The following DZIP1 variants were observed in gnomAD, a reference collection of about 807,000 sequenced individuals.
DZIP1 encodes the protein DAZ interacting zinc finger protein 1, also known as cilium assembly protein DZIP1.
A neutral mutation model predicts 107.6 loss-of-function variants in DZIP1; 97 were observed. That is an observed-to-expected ratio of 0.90 (90% CI 0.77 to 1.07). The LOEUF is 1.07. Among genes scored for constraint, DZIP1 ranks in the 50% least tolerant of loss-of-function variants. DZIP1 has a pLI of 0.00. For missense variants in DZIP1, 1,035 were observed against 1,063.6 expected (o/e 0.97, Z 0.37); for synonymous variants, 390 against 386.4 (o/e 1.01, Z -0.11).
chr13:95,619,910 T>C lies in DZIP1; in HGVS notation c.1148A>G (p.Gln383Arg). The change falls in exon 10 of 23, where the codon CAA becomes CGA. Residue 383 changes from glutamine to arginine, a missense_variant. Gln to Arg is a conservative substitution (Grantham distance 43). Transcript: ENST00000376829. The part of the protein sequence containing the change: ...KWTARVQAIH[Q>R]EHKKEKGRLL... ...CCGACCCTTCTCTTTCTTGTGTTCT[T>C]GATGAATAGCTTGAACTCGAGCTGT... The C allele has an allele frequency of 6.2e-7, 1 of 1,613,978 alleles. No individual in the cohort carries two copies.
intron 13 of DZIP1, among the ~76,000 whole-genome samples, chr13:95,608,014 G>C (rs1055421508): frequency 4.6e-5 from 7 of 152,258 alleles, no homozygotes; most frequent in African/African-American, 1.7e-4. Context: ...TTAAACTTTA[G>C]AATGTATGTT....
At chr13:95,613,948 A>C (rs1026226157) in intron 10 of DZIP1, among the ~76,000 whole-genome samples, 1 of 151,942 alleles carries the variant, frequency 6.6e-6, no homozygotes, top group Non-Finnish European at 1.5e-5. Context: ...ATGCAGTAAG[A>C]CCCTGTCTCT....
At chr13:95,583,501 AGCTTT>A (rs1365051920) in intron 22 of DZIP1, among the ~76,000 whole-genome samples, 1 of 152,204 alleles carries the variant, frequency 6.6e-6, no homozygotes, top group Non-Finnish European at 1.5e-5. Flanking sequence ...TGAACAACTC[AGCTTT>A]CAACATGTGC....
At chr13:95,617,523 T>C (rs1875268152) in intron 10 of DZIP1, among the ~76,000 whole-genome samples, 1 of 152,142 alleles carries the variant, frequency 6.6e-6, no homozygotes. Flanking sequence ...GGTCATTTGC[T>C]ACACAGAATA....
chr13:95,584,883 C>T lies in DZIP1; in HGVS notation c.2377G>A (p.Asp793Asn), dbSNP rs1027329288. 6.2e-7 allele frequency: 1 copy of T among 1,613,736 alleles called. No homozygotes were observed. The highest frequency in any genetic ancestry group is 2.2e-5 in the East Asian group (1 of 44,854). The change falls in exon 22 of 23, where the codon GAC becomes AAC. Residue 793 changes from aspartate (D) to asparagine (N), a missense_variant. Transcript: ENST00000376829. ...ATCTCTTCCTCTAGGGATGATATGT[C>T]CCAGTCTTCATCCTCCACATCCGCA... The part of the protein sequence containing the change: ...KCADVEDEDW[D>N]ISSLEEEISL...
rs2044274403 is a variant in DZIP1 at position 95,590,192 on chromosome 13, G to A, written c.1843+87C>T. On this transcript the variant is annotated intron_variant, in intron 17 of 22. Coordinates refer to ENST00000376829, the MANE Select transcript of DZIP1 (RefSeq NM_198968.4). ...TAACCATTTAAAATTATAATAATTT[G>A]TTTAATGATATCTTGTGGTGAAAAA... 5 of 1,277,630 alleles carry A rather than the reference G, an allele frequency of 3.9e-6. No individual in the cohort carries two copies. The Admixed American group carries it at 7.1e-5, about 18-fold the overall frequency. The allele number at this position is 1,277,630 out of a possible 1,614,324, so 79.1% of individuals were successfully genotyped here.
At chr13:95,634,786 T>A (rs1943796275) in intron 5 of DZIP1, among the ~76,000 whole-genome samples, 1 of 152,242 alleles carries the variant, frequency 6.6e-6, no homozygotes, top group South Asian at 2.1e-4. Flanking sequence ...AAATCCTTTT[T>A]AAAAAACAAA....
rs906710370 is a variant in DZIP1 at position 95,579,217 on chromosome 13, T to A, written c.*3017A>T. On this transcript the variant is annotated 3_prime_UTR_variant, in exon 23 of 23. Transcript: ENST00000376829. ...ACTGACGGGCCGAGTTCTATCTAGG[T>A]GTGTCTTCCAGAACCTGTTTACGGC... The A allele has an allele frequency of 3.9e-5, 6 of 152,208 alleles. No homozygotes were observed. Among genetic ancestry groups the A allele is most frequent in the Admixed American group, 3.9e-4 (6 of 15,282 alleles). 9.4% of individuals were successfully genotyped at this position (152,208 alleles called of 1,614,324 possible).
At position 95,642,068 on chromosome 13, in the gene DZIP1, T is replaced by C; in HGVS notation, c.-39A>G. 2 of 1,496,044 alleles carry C rather than the reference T, an allele frequency of 1.3e-6. No individual in the cohort carries two copies. The highest frequency in any genetic ancestry group is 1.8e-6 in the Non-Finnish European group (2 of 1,132,932). 92.7% of individuals were successfully genotyped at this position (1,496,044 alleles called of 1,614,324 possible). On this transcript the variant is annotated 5_prime_UTR_variant, in exon 4 of 23. Transcript: ENST00000376829. ...CGGTCTTTACCCAGCCTGGGCCGCC[T>C]CCCGGGCCGCCGCCGCCACAGCCCT...
intron 14 of DZIP1, among the ~76,000 whole-genome samples, chr13:95,604,689 G>A (rs949753873): frequency 2.0e-5 from 3 of 152,052 alleles, no homozygotes; most frequent in African/African-American, 7.2e-5. Flanking sequence ...ATATGACAAA[G>A]AAACTAGGAA....
intron 10 of DZIP1, 125 bp from the exon 11 acceptor site, chr13:95,612,302 G>T: frequency 9.3e-7 from 1 of 1,074,520 alleles, no homozygotes; most frequent in Non-Finnish European, 1.3e-6. Flanking sequence ...GCATCAAGTC[G>T]TTGAATAAAT....
intron 8 of DZIP1, 37 bp downstream of exon 8, chr13:95,624,731 A>C: frequency 6.4e-7 from 1 of 1,558,302 alleles, no homozygotes; most frequent in Non-Finnish European, 8.7e-7. Flanking sequence ...CTCTCAAGGC[A>C]ATCAATACCA....
intron 7 of DZIP1, among the ~76,000 whole-genome samples, chr13:95,629,627 A>G (rs1434215215): frequency 6.6e-6 from 1 of 152,112 alleles, no homozygotes; most frequent in African/African-American, 2.4e-5. Context: ...CAGCAACCAA[A>G]TAAGCAAGAA....
Position 95,587,566 on chromosome 13 carries a change from C to T in DZIP1, c.2191G>A (p.Asp731Asn). The T allele has an allele frequency of 6.2e-7, 1 of 1,614,024 alleles. No individual in the cohort carries two copies. Among genetic ancestry groups the T allele is most frequent in the Non-Finnish European group, 8.5e-7 (1 of 1,179,988 alleles). The change falls in exon 20 of 23, where the codon GAC becomes AAC. Residue 731 changes from aspartate (D) to asparagine (N), a missense_variant. By Grantham distance (23) the Asp-to-Asn change is conservative (BLOSUM62 1). Transcript: ENST00000376829. ...ADGTEGSEIEDTDDSPKPAGV... is the reference protein window; with the variant it reads ...ADGTEGSEIENTDDSPKPAGV... The stretch of plus-strand genomic sequence containing the variant: ...GCGGGCTTGGGAGAATCATCAGTGT[C>T]CTCGATTTCGCTTCCCTCGGTCCCG...
At chr13:95,619,669 A>G (rs1475059003) in intron 10 of DZIP1, among the ~76,000 whole-genome samples, 1 of 152,008 alleles carries the variant, frequency 6.6e-6, no homozygotes, top group Non-Finnish European at 1.5e-5. Flanking sequence ...TTTGAGACCC[A>G]TTAAAAAAGT....
intron 14 of DZIP1, among the ~76,000 whole-genome samples, chr13:95,601,842 C>T (rs1206042557): frequency 6.6e-6 from 1 of 152,184 alleles, no homozygotes; most frequent in African/African-American, 2.4e-5. Context: ...TTGGTCCTGG[C>T]CCTGGTCCCC....
chr13:95,603,507 C>T (rs761990677), intron 14 of DZIP1, among the ~76,000 whole-genome samples: 1 of 152,108 alleles, frequency 6.6e-6, no homozygotes, highest in East Asian at 1.9e-4. Flanking sequence ...TCACTGCACT[C>T]GTCGCTCTAA....
chr13:95,582,218 C>T lies in DZIP1; in HGVS notation c.*16G>A, dbSNP rs1452937897. The T allele has an allele frequency of 1.9e-6, 3 of 1,612,496 alleles. No individual in the cohort carries two copies. The highest frequency in any genetic ancestry group is 2.5e-6 in the Non-Finnish European group (3 of 1,178,540). ...AAATACTGCTGGCTTCTGGAATAAT[C>T]TTCTGACATGTGGAATTAGACATCT... On this transcript the variant is annotated 3_prime_UTR_variant, in exon 23 of 23. Transcript: ENST00000376829.
chr13:95,633,207 A>G (rs1877405571), intron 6 of DZIP1, 27 bp downstream of exon 6: 3 of 1,597,256 alleles, frequency 1.9e-6, no homozygotes, highest in African/African-American at 1.3e-5. Flanking sequence ...GGAAGAAAAG[A>G]GCTTTCAAAC....
Sources: allele counts gnomAD v4.1 joint callset (sites outside exome capture counted in the v4.1 genomes callset), GRCh38; gene constraint gnomAD v4.1.1; transcripts MANE v1.5; gene names NCBI Gene and HGNC (gene_info 2026-07-23, HGNC 2026-07-21).